Variants in MAGOHB observed in about 807,000 individuals in gnomAD.
MAGOHB encodes the protein protein mago nashi homolog 2.
MAGOHB carries 15 observed loss-of-function variants against 20.9 expected under a neutral mutation model. The ratio of observed to expected loss-of-function variants is 0.72; its 90% CI spans 0.48 to 1.11. The LOEUF (loss-of-function observed/expected upper bound fraction) is 1.11. MAGOHB is among the 50% of genes least tolerant of loss of function. The probability of loss-of-function intolerance (pLI) is 0.00; values close to 1 mark genes in which losing one functional copy is unlikely to be tolerated. For synonymous variants in MAGOHB, 50 were observed against 57.9 expected, an observed-to-expected ratio of 0.86 and a Z score of 0.62; for missense variants, 162 against 177.6, an observed-to-expected ratio of 0.91 and a Z score of 0.50.
Position 10,610,670 on chromosome 12 carries a change from T to G in MAGOHB, c.105A>C (p.Arg35Ser), listed in dbSNP as rs1307243237. The G allele has an allele frequency of 3.2e-6, 5 of 1,585,948 alleles. No homozygotes were observed. The highest frequency in any genetic ancestry group is 4.3e-6 in the Non-Finnish European group (5 of 1,170,698). Residue 35 changes from arginine (R) to serine (S), a missense_variant, in exon 2 of 5, where the codon AGA becomes AGC. Physicochemically the swap from Arg to Ser is moderately radical, Grantham distance 110. Transcript: ENST00000320756. ...EFEFRPDGKLRYANNSNYKND... is the reference protein window; with the variant it reads ...EFEFRPDGKLSYANNSNYKND... ...TTTTGTAATTGCTGTTGTTGGCATA[T>G]CTAAGCTTTCCTGTGGGAAGTGGAA...
downstream of MAGOHB, among the ~76,000 whole-genome samples, chr12:10,600,789 G>A (rs535510895): frequency 2.6e-5 from 4 of 152,268 alleles, no homozygotes; most frequent in South Asian, 6.2e-4. Context: ...TCTGATTACA[G>A]TTCTAGGAAA....
intron 4 of MAGOHB, among the ~76,000 whole-genome samples, chr12:10,607,082 G>A (rs982669186): frequency 6.6e-6 from 1 of 152,180 alleles, no homozygotes; most frequent in Non-Finnish European, 1.5e-5. Context: ...AAATTTGATA[G>A]TTTAAAAGCA....
intron 2 of MAGOHB, 38 bp from the exon 3 acceptor site, chr12:10,609,979 C>A: frequency 8.8e-7 from 1 of 1,136,460 alleles, no homozygotes; most frequent in Admixed American, 2.1e-5. Flanking sequence ...TAATGCCCAC[C>A]TATGTCACCC....
chr12:10,608,138 C>G (rs942164912), intron 3 of MAGOHB: 1 of 404,088 alleles, frequency 2.5e-6, no homozygotes, highest in African/African-American at 2.1e-5. Flanking sequence ...GCACTACCCC[C>G]AAGTTTAGGA....
intron 3 of MAGOHB, 43 bp from the exon 4 acceptor site, chr12:10,607,979 T>G: frequency 1.7e-6 from 2 of 1,198,096 alleles, no homozygotes; most frequent in Non-Finnish European, 1.2e-6. Context: ...TAAAAATCTA[T>G]CCCAGAGGTA....
At chr12:10,608,707 A>G (rs1359538793) in intron 3 of MAGOHB, 1 of 152,152 alleles carries the variant, frequency 6.6e-6, no homozygotes. Flanking sequence ...ACCAATAATT[A>G]AAAAGCTATA....
downstream of MAGOHB, among the ~76,000 whole-genome samples, chr12:10,602,159 A>G (rs983590163): frequency 2.0e-5 from 3 of 152,250 alleles, no homozygotes; most frequent in Non-Finnish European, 2.9e-5. Flanking sequence ...ACAAGTGCAG[A>G]GCACAATTTT....
intron 3 of MAGOHB, chr12:10,608,908 C>T (rs1014584258): frequency 5.9e-5 from 9 of 152,184 alleles, no homozygotes; most frequent in Non-Finnish European, 1.3e-4. Flanking sequence ...CCCCACTAAC[C>T]AAAACCCATG....
In MAGOHB at chr12:10,610,583, A is replaced by C. The variant is rs755763807; in HGVS notation, c.153+39T>G. Reference sequence around the variant, plus strand: ...GAAGAAAATGGGCTAAATGCAAAAAAAAAAAAAAAAAAAAAAAAGACATTC... The same window carrying C: ...GAAGAAAATGGGCTAAATGCAAAAACAAAAAAAAAAAAAAAAAAGACATTC... On this transcript the variant is annotated intron_variant, in intron 2 of 4. Transcript: ENST00000320756. 0.01 allele frequency: 9,265 copies of C among 908,310 alleles called. 135 individuals are homozygous for C. In the East Asian group the frequency reaches 0.13, roughly 13 times the overall value. 56.3% of individuals were successfully genotyped at this position (908,310 alleles called of 1,614,324 possible). A position where few individuals can be genotyped will look rare whatever the true frequency, so the allele number is the denominator to read the frequency against.
rs1865608345 is a variant in MAGOHB, at chr12:10,605,388, C to A, written c.*887G>T. The A allele has an allele frequency of 6.6e-6, 1 of 152,054 alleles. No homozygotes were observed. Among genetic ancestry groups the A allele is most frequent in the Non-Finnish European group, 1.5e-5 (1 of 68,024 alleles). 9.4% of individuals were successfully genotyped at this position (152,054 alleles called of 1,614,324 possible). ...GGCAAGTGGATTATAACTACTGGAA[C>A]AGTGCAACTTTTTAAGAGTGGGGCT... On this transcript the variant is annotated 3_prime_UTR_variant, in exon 5 of 5. Transcript: ENST00000320756.
At chr12:10,604,141 T>C (rs752239266), downstream of MAGOHB, 1 of 152,156 alleles carries the variant, frequency 6.6e-6, no homozygotes, top group Non-Finnish European at 1.5e-5. Flanking sequence ...CACTATCTCA[T>C]GAATGGGGAA....
chr12:10,602,595 A>C (rs546968130), downstream of MAGOHB, among the ~76,000 whole-genome samples: 1 of 152,380 alleles, frequency 6.6e-6, no homozygotes, highest in East Asian at 1.9e-4. Context: ...CAGAAGAGAA[A>C]TATACAGAGT....
At position 10,613,449 on chromosome 12, in the gene MAGOHB, A is replaced by C; in HGVS notation, c.84T>G (p.Phe28Leu). Residue 28 changes from phenylalanine (F) to leucine (L), a missense_variant, in exon 1 of 5, where the codon TTT (phenylalanine) becomes TTG (leucine). Coordinates refer to ENST00000320756, the MANE Select transcript of MAGOHB (RefSeq NM_018048.5). ...TGGGCCTCTTCTCACCGTCCGGCCGAAATTCGAACTCCAGAAACTCGTGCC... is the reference window on the plus strand; with the variant it reads ...TGGGCCTCTTCTCACCGTCCGGCCGCAATTCGAACTCCAGAAACTCGTGCC... ...KFGHEFLEFE[F>L]RPDGKLRYAN... is the part of the protein sequence containing the mutation. The C allele has an allele frequency of 6.2e-7, 1 of 1,614,052 alleles. No individual in the cohort carries two copies. The highest frequency in any genetic ancestry group is 1.1e-5 in the South Asian group (1 of 91,060).
intron 3 of MAGOHB, chr12:10,608,614 A>AAAAC (rs1449168385): frequency 6.6e-6 from 1 of 151,774 alleles, no homozygotes; most frequent in East Asian, 1.9e-4. Context: ...AAAAAAAAAA[A>AAAAC]AAACCAACCT....
chr12:10,610,779 ATTTTTATTAATAT>A lies in MAGOHB; in HGVS notation c.95-112_95-100del. The A allele has an allele frequency of 1.6e-5, 17 of 1,052,660 alleles. No homozygotes were observed. In the South Asian group the frequency reaches 3.1e-4, roughly 19 times the overall value. The allele number at this position is 1,052,660 out of a possible 1,614,324, so 65.2% of individuals were successfully genotyped here. Reference sequence around the variant, plus strand: ...AAGGTAAAGACCATTTTATACTACTATTTTTATTAATATTTCCTCCCTCCTTGTGTAAGATCAT... The same window carrying A: ...AAGGTAAAGACCATTTTATACTACTATTCCTCCCTCCTTGTGTAAGATCAT... On this transcript the variant is annotated intron_variant, in intron 1 of 4. Coordinates refer to ENST00000320756, the MANE Select transcript of MAGOHB (RefSeq NM_018048.5).
rs569989768 is a variant in MAGOHB at position 10,604,882 on chromosome 12, C to G, written c.*1393G>C. 6.6e-6 allele frequency: 1 copy of G among 152,246 alleles called. No homozygotes were observed. Among genetic ancestry groups the G allele is most frequent in the African/African-American group, 2.4e-5 (1 of 41,536 alleles). 9.4% of individuals were successfully genotyped at this position (152,246 alleles called of 1,614,324 possible). Reference sequence around the variant, plus strand: ...GGCAAACAGGTTACCAAGCCATGCTCTAGAGCTATACTGTCCAAACGGTAG... The same window carrying G: ...GGCAAACAGGTTACCAAGCCATGCTGTAGAGCTATACTGTCCAAACGGTAG... On this transcript the variant is annotated 3_prime_UTR_variant, in exon 5 of 5. Transcript: ENST00000320756.
At chr12:10,609,067 G>A (rs540675631) in intron 3 of MAGOHB, 41 of 159,068 alleles carry the variant, frequency 2.6e-4, no homozygotes, top group African/African-American at 8.9e-4. Flanking sequence ...AAAGTGATAC[G>A]ATGCTTAAAA....
At chr12:10,612,564 G>T in intron 1 of MAGOHB, 1 of 641,722 alleles carries the variant, frequency 1.6e-6, no homozygotes, top group Non-Finnish European at 2.1e-6. Flanking sequence ...TATGCATACT[G>T]CTTTATAGTT....
In MAGOHB at chr12:10,610,606, TTCAC is replaced by T; in HGVS notation, c.153+12_153+15del. ...AAAAAAAAAAAAAAAAAAAAAGACA[TTCAC>T]ATAGAACTTACCTCTTTTCTGATCA... On this transcript the variant is annotated intron_variant, in intron 2 of 4. Coordinates refer to ENST00000320756, the MANE Select transcript of MAGOHB (RefSeq NM_018048.5). 1.5e-6 allele frequency: 2 copies of T among 1,325,182 alleles called. No homozygotes were observed. The highest frequency in any genetic ancestry group is 1.8e-5 in the African/African-American group (1 of 57,036). 82.1% of individuals were successfully genotyped at this position (1,325,182 alleles called of 1,614,324 possible).
Sources: allele counts gnomAD v4.1 joint callset (sites outside exome capture counted in the v4.1 genomes callset), GRCh38; gene constraint gnomAD v4.1.1; transcripts MANE v1.5; gene names NCBI Gene and HGNC (gene_info 2026-07-23, HGNC 2026-07-21).